The following LDB2 variants were observed in gnomAD, a reference collection of about 807,000 sequenced individuals.
LDB2 encodes the protein LIM domain binding 2, also known as LIM domain-binding protein 2.
Under a neutral mutation model 44.3 loss-of-function variants are expected in LDB2, and 12 were observed. The ratio of observed to expected loss-of-function variants is 0.27; its 90% CI spans 0.17 to 0.44. The LOEUF (loss-of-function observed/expected upper bound fraction) is 0.44. Among genes scored for constraint, LDB2 ranks in the 20% least tolerant of loss-of-function variants. The pLI is 1.00. For missense variants in LDB2, 344 were observed against 473.5 expected (o/e 0.73, Z 2.54); for synonymous variants, 164 against 174.8 (o/e 0.94, Z 0.49).
intron 5 of LDB2, among the ~76,000 whole-genome samples, chr4:16,575,138 C>T (rs150121715): frequency 1.3e-5 from 2 of 152,184 alleles, no homozygotes; most frequent in East Asian, 3.9e-4. Context: ...CATCATAGCA[C>T]CACACAGGCA....
chr4:16,540,672 C>G lies in LDB2; in HGVS notation c.616-28568G>C, dbSNP rs190910178. ...GACAATCATTTTGAAAAATTATTTT[C>G]AGGAAGAGTCTGGCACAAAAGAAAT... On this transcript the variant is annotated intron_variant, in intron 5 of 7. Transcript: ENST00000304523. Among the ~76,000 whole-genome samples, 143 of 152,206 alleles carry G rather than the reference C, an allele frequency of 9.4e-4. 3 individuals carry two copies. The highest frequency in any genetic ancestry group is 3.0e-3 in the Admixed American group (46 of 15,292).
intron 2 of LDB2, among the ~76,000 whole-genome samples, chr4:16,680,794 C>T (rs915894942): frequency 1.3e-5 from 2 of 152,172 alleles, no homozygotes; most frequent in African/African-American, 2.4e-5. Flanking sequence ...CAAAACCAAA[C>T]AACAAACAAG....
At chr4:16,586,872 TC>T (rs1352473504) in intron 4 of LDB2, among the ~76,000 whole-genome samples, 1 of 152,218 alleles carries the variant, frequency 6.6e-6, no homozygotes, top group African/African-American at 2.4e-5. Flanking sequence ...GATGTAAACA[TC>T]CCCTTGTCTC....
intron 1 of LDB2, among the ~76,000 whole-genome samples, chr4:16,875,559 A>G (rs963788428): frequency 6.6e-6 from 1 of 152,364 alleles, no homozygotes; most frequent in Admixed American, 6.5e-5. Flanking sequence ...TCTAGTCACT[A>G]GAAAAATTTC....
chr4:16,629,197 C>T (rs1403373079), intron 2 of LDB2, among the ~76,000 whole-genome samples: 1 of 152,164 alleles, frequency 6.6e-6, no homozygotes, highest in South Asian at 2.1e-4. Flanking sequence ...GGGGGCAGGG[C>T]ATATCAGAAC....
At chr4:16,729,652 C>T (rs1760316202) in intron 2 of LDB2, among the ~76,000 whole-genome samples, 1 of 152,174 alleles carries the variant, frequency 6.6e-6, no homozygotes, top group South Asian at 2.1e-4. Flanking sequence ...ATACACCTCC[C>T]TGCACAAATC....
intron 2 of LDB2, among the ~76,000 whole-genome samples, chr4:16,709,186 T>G (rs1032230386): frequency 1.8e-4 from 27 of 152,326 alleles, no homozygotes; most frequent in African/African-American, 6.5e-4. Flanking sequence ...ATTTTAAAAA[T>G]GTATTTAATT....
chr4:16,629,052 AG>A (rs1284570018), intron 2 of LDB2, among the ~76,000 whole-genome samples: 1 of 152,068 alleles, frequency 6.6e-6, no homozygotes, highest in East Asian at 1.9e-4. Context: ...TGGTTGGGGG[AG>A]GGGCATCCGC....
At chr4:16,513,475 C>T (rs936009331) in intron 5 of LDB2, among the ~76,000 whole-genome samples, 4 of 152,182 alleles carry the variant, frequency 2.6e-5, no homozygotes, top group Non-Finnish European at 4.4e-5. Flanking sequence ...GCTGAGACTA[C>T]GCCTTTTATC....
At chr4:16,647,496 A>G (rs1737111641) in intron 2 of LDB2, among the ~76,000 whole-genome samples, 1 of 152,228 alleles carries the variant, frequency 6.6e-6, no homozygotes, top group Admixed American at 6.5e-5. Context: ...AATAGTGTGC[A>G]TAAGAATATA....
At chr4:16,591,035 A>G (rs1428700427) in intron 3 of LDB2, among the ~76,000 whole-genome samples, 1 of 152,254 alleles carries the variant, frequency 6.6e-6, no homozygotes. Context: ...ATGGGGAGCC[A>G]TCAACAGTGA....
intron 2 of LDB2, among the ~76,000 whole-genome samples, chr4:16,746,603 A>G (rs1174455374): frequency 6.6e-6 from 1 of 152,206 alleles, no homozygotes; most frequent in Admixed American, 6.5e-5. Context: ...CCTGGCCAAC[A>G]TGGTGAAACC....
At chr4:16,778,246 T>C (rs1561199906) in intron 1 of LDB2, among the ~76,000 whole-genome samples, 1 of 152,156 alleles carries the variant, frequency 6.6e-6, no homozygotes, top group East Asian at 1.9e-4. Context: ...ACTGTTCCCT[T>C]TGAGGACCAT....
At chr4:16,571,603 C>T (rs1032108856) in intron 5 of LDB2, among the ~76,000 whole-genome samples, 22 of 152,314 alleles carry the variant, frequency 1.4e-4, no homozygotes, top group East Asian at 3.9e-4. Context: ...GGTTTACCTT[C>T]TGCATGAAGT....
rs113309403 is a variant in LDB2 at position 16,648,698 on chromosome 4, ACT to A, written c.236-52825_236-52824del. On this transcript the variant is annotated intron_variant, in intron 2 of 7. Coordinates refer to ENST00000304523, the MANE Select transcript of LDB2 (RefSeq NM_001290.5). ...AAGCCCAACATTTTAATGCAAAAAG[ACT>A]CTATTTAATTGCTTCTCTCAACTTA... 9.3e-3 allele frequency among the ~76,000 whole-genome samples: 1,420 copies of A among 152,028 alleles called. 20 individuals are homozygous for A. Among genetic ancestry groups the A allele is most frequent in the African/African-American group, 0.033 (1,359 of 41,468 alleles).
chr4:16,821,445 G>T (rs1203600321), intron 1 of LDB2, among the ~76,000 whole-genome samples: 16 of 149,286 alleles, frequency 1.1e-4, no homozygotes, highest in African/African-American at 3.7e-4. Context: ...GTGCAGTGGC[G>T]CCATCTCGGC....
intron 5 of LDB2, among the ~76,000 whole-genome samples, chr4:16,572,201 C>G (rs934883218): frequency 2.6e-5 from 4 of 152,140 alleles, no homozygotes; most frequent in Non-Finnish European, 5.9e-5. Flanking sequence ...CATGCTTTGC[C>G]CTCCCCATTT....
At chr4:16,596,354 T>G (rs1560583861) in intron 2 of LDB2, among the ~76,000 whole-genome samples, 1 of 152,192 alleles carries the variant, frequency 6.6e-6, no homozygotes, top group Non-Finnish European at 1.5e-5. Context: ...TGTAAAGTAT[T>G]TTGGTATTCT....
intron 5 of LDB2, among the ~76,000 whole-genome samples, chr4:16,517,879 GTGGATGGATGGATGGATGGATGGA>G (rs34267672): frequency 2.0e-5 from 3 of 148,644 alleles, no homozygotes; most frequent in South Asian, 2.2e-4. Context: ...TGATGAATGA[GTGGATGGATGGATGGATGGATGGA>G]TGGATGGATG....
Sources: gnomAD v4.1 joint callset for allele counts (sites outside exome capture counted in the v4.1 genomes callset) on GRCh38, gnomAD v4.1.1 for gene constraint, MANE v1.5 for transcripts, NCBI Gene and HGNC (gene_info 2026-07-23, HGNC 2026-07-21) for gene names.